Variants in THSD4 observed in about 807,000 individuals in gnomAD.
THSD4 encodes the protein thrombospondin type-1 domain-containing protein 4.
In THSD4, 69 loss-of-function variants were observed where a neutral mutation model predicts 119.0. The observed-to-expected ratio is 0.58, with a 90% CI of 0.48 to 0.71. The LOEUF (loss-of-function observed/expected upper bound fraction) is 0.71, where lower values mean the gene tolerates loss of function less well. Among genes scored for constraint, THSD4 ranks in the 30% least tolerant of loss-of-function variants. The pLI is 0.00. For synonymous variants in THSD4, 524 were observed against 540.4 expected, an observed-to-expected ratio of 0.97 and a Z score of 0.42; for missense variants, 1,393 against 1,391.1, an observed-to-expected ratio of 1.00 and a Z score of -0.02.
chr15:71,396,281 CAT>C (rs756207207), intron 6 of THSD4, among the ~76,000 whole-genome samples: 24 of 151,636 alleles, frequency 1.6e-4, no homozygotes, highest in African/African-American at 5.6e-4. Context: ...ACACATAAAA[CAT>C]GTACATGCGT....
At chr15:71,647,611 G>A (rs544335391) in intron 7 of THSD4, among the ~76,000 whole-genome samples, 48 of 152,226 alleles carry the variant, frequency 3.2e-4, no homozygotes, top group Non-Finnish European at 4.1e-4. Context: ...TAATGACGTC[G>A]CCCAAGGAAC....
chr15:71,758,243 G>A lies in THSD4; in HGVS notation c.2589+168G>A, dbSNP rs548408975. 3.3e-5 allele frequency among the ~76,000 whole-genome samples: 5 copies of A among 152,378 alleles called. No individual in the cohort carries two copies. The South Asian group carries it at 1.0e-3, about 32-fold the overall frequency. ...ATTTATATTTCTGGAGCCTCAGTCAGTCAACAGTATTCATTGAGCACCTAC... is the reference window on the plus strand; with the variant it reads ...ATTTATATTTCTGGAGCCTCAGTCAATCAACAGTATTCATTGAGCACCTAC... On this transcript the variant is annotated intron_variant, in intron 15 of 17. Coordinates refer to ENST00000261862, the MANE Select transcript of THSD4 (RefSeq NM_024817.3).
intron 7 of THSD4, among the ~76,000 whole-genome samples, chr15:71,537,555 G>A (rs900391295): frequency 4.0e-5 from 6 of 151,748 alleles, no homozygotes; most frequent in African/African-American, 1.5e-4. Flanking sequence ...TCTTTCCTTT[G>A]TAATTCTTTT....
chr15:71,596,871 C>T (rs182701698), intron 7 of THSD4, among the ~76,000 whole-genome samples: 1 of 152,310 alleles, frequency 6.6e-6, no homozygotes, highest in African/African-American at 2.4e-5. Flanking sequence ...CCTGGTTCTC[C>T]TGGCTTGGAA....
At chr15:71,144,447 G>C (rs2040637080) in intron 2 of THSD4, among the ~76,000 whole-genome samples, 1 of 152,144 alleles carries the variant, frequency 6.6e-6, no homozygotes, top group Non-Finnish European at 1.5e-5. Context: ...CATGTGAAGG[G>C]ATTTTTAATA....
At chr15:71,305,472 G>A (rs560227646) in intron 6 of THSD4, among the ~76,000 whole-genome samples, 1 of 152,290 alleles carries the variant, frequency 6.6e-6, no homozygotes, top group South Asian at 2.1e-4. Flanking sequence ...AGTGAGTTGA[G>A]GGCAGTAGTT....
chr15:71,224,143 G>A (rs2043995996), intron 4 of THSD4, among the ~76,000 whole-genome samples: 1 of 152,154 alleles, frequency 6.6e-6, no homozygotes, highest in Admixed American at 6.5e-5. Context: ...GGGCCTTCCT[G>A]CAAAGAGCAA....
rs551288697 is a variant in THSD4, at chr15:71,262,983, C to T, written c.1015+6268C>T. Among the ~76,000 whole-genome samples the T allele has an allele frequency of 5.8e-4, 88 of 151,720 alleles. 1 individual carries two copies. Among genetic ancestry groups the T allele is most frequent in the Non-Finnish European group, 8.2e-4 (56 of 67,916 alleles). ...TTTCTAACTTTTATTTTAAGTTCAG[C>T]GGTACATGTGCAGGATGTACAGGTT... On this transcript the variant is annotated intron_variant, in intron 6 of 17. Transcript: ENST00000261862.
At chr15:71,509,342 G>C (rs2048243203) in intron 7 of THSD4, among the ~76,000 whole-genome samples, 1 of 152,136 alleles carries the variant, frequency 6.6e-6, no homozygotes, top group Non-Finnish European at 1.5e-5. Flanking sequence ...TGGAGACAAG[G>C]GGAACCGACT....
chr15:71,369,661 A>G (rs548102318), intron 6 of THSD4, among the ~76,000 whole-genome samples: 57 of 152,154 alleles, frequency 3.7e-4, no homozygotes, highest in African/African-American at 1.3e-3. Flanking sequence ...AAGCTTTTTG[A>G]TGTGCTGCTG....
At chr15:71,663,534 C>T (rs751707068) in intron 8 of THSD4, among the ~76,000 whole-genome samples, 7 of 152,154 alleles carry the variant, frequency 4.6e-5, no homozygotes, top group Non-Finnish European at 1.0e-4. Context: ...ATTCACATGC[C>T]ATAAAATTCA....
At position 71,780,766 on chromosome 15, in the gene THSD4, A is replaced by G; in HGVS notation, c.*3392A>G. The stretch of plus-strand genomic sequence containing the variant: ...AGAGTTCTTGGAGGGTTTTTTCTTT[A>G]TTTTCTTATGTACTCATCTACTTAT... On this transcript the variant is annotated 3_prime_UTR_variant, in exon 18 of 18. Transcript: ENST00000261862. The G allele has an allele frequency of 2.2e-6, 1 of 454,080 alleles. No individual in the cohort carries two copies. Among genetic ancestry groups the G allele is most frequent in the Non-Finnish European group, 4.4e-6 (1 of 226,062 alleles). 28.1% of individuals were successfully genotyped at this position (454,080 alleles called of 1,614,324 possible).
At chr15:71,253,115 G>A (rs2044277835) in intron 5 of THSD4, among the ~76,000 whole-genome samples, 1 of 152,174 alleles carries the variant, frequency 6.6e-6, no homozygotes, top group South Asian at 2.1e-4. Flanking sequence ...GCTGGGCTTA[G>A]CTGACTCCTG....
At chr15:71,379,378 G>A (rs2046195255) in intron 6 of THSD4, among the ~76,000 whole-genome samples, 1 of 150,812 alleles carries the variant, frequency 6.6e-6, no homozygotes, top group African/African-American at 2.4e-5. Flanking sequence ...ATTCCTAAGA[G>A]GACAGTTTTC....
At chr15:71,224,538 T>C (rs1345361584) in intron 4 of THSD4, among the ~76,000 whole-genome samples, 1 of 152,204 alleles carries the variant, frequency 6.6e-6, no homozygotes, top group Non-Finnish European at 1.5e-5. Flanking sequence ...GTTACAGGTG[T>C]ATTAGTTTCC....
At chr15:71,589,010 G>A (rs541633764) in intron 7 of THSD4, among the ~76,000 whole-genome samples, 1 of 152,236 alleles carries the variant, frequency 6.6e-6, no homozygotes, top group South Asian at 2.1e-4. Context: ...ATTTGCTGTG[G>A]GATGTTAGAC....
intron 6 of THSD4, among the ~76,000 whole-genome samples, chr15:71,356,479 C>G (rs2045812632): frequency 6.6e-6 from 1 of 152,142 alleles, no homozygotes; most frequent in South Asian, 2.1e-4. Context: ...TCTTTCTCTG[C>G]TGTATCCCCA....
intron 7 of THSD4, among the ~76,000 whole-genome samples, chr15:71,617,025 C>T (rs1293026621): frequency 6.6e-6 from 1 of 152,100 alleles, no homozygotes; most frequent in East Asian, 1.9e-4. Context: ...CAGGGAGTGG[C>T]CAATCTAGAA....
intron 7 of THSD4, 115 bp from the exon 8 acceptor site, chr15:71,660,415 T>C: frequency 2.3e-6 from 3 of 1,283,950 alleles, no homozygotes; most frequent in Non-Finnish European, 3.3e-6. Context: ...ACTCCTAGAA[T>C]ATACATTTCG....
Sources: allele counts gnomAD v4.1 joint callset (sites outside exome capture counted in the v4.1 genomes callset), GRCh38; gene constraint gnomAD v4.1.1; transcripts MANE v1.5; gene names NCBI Gene and HGNC (gene_info 2026-07-23, HGNC 2026-07-21).